GABRG2: variants seen among roughly 807,000 people sequenced by gnomAD.
GABRG2 encodes gamma-aminobutyric acid receptor subunit gamma-2.
In GABRG2, 16 loss-of-function variants were observed where a neutral mutation model predicts 56.4. The observed-to-expected ratio is 0.28, with a 90% CI of 0.19 to 0.43. The LOEUF (loss-of-function observed/expected upper bound fraction) is 0.43. Among genes scored for constraint, GABRG2 ranks in the 20% least tolerant of loss-of-function variants. The pLI is 1.00. For synonymous variants in GABRG2, 208 were observed against 205.5 expected (o/e 1.01, Z -0.10); for missense variants, 327 against 582.7 (o/e 0.56, Z 4.52).
chr5:162,096,598 TGAACAAG>T lies in GABRG2; in HGVS notation c.327+1038_328-1032del, dbSNP rs200625770. Among the ~76,000 whole-genome samples, 1,268 of 152,184 alleles carry T rather than the reference TGAACAAG, an allele frequency of 8.3e-3. 15 individuals carry two copies. Among genetic ancestry groups the T allele is most frequent in the African/African-American group, 0.029 (1,221 of 41,522 alleles). ...AGACTGTAAAAATGAAACTAAATGA[TGAACAAG>T]GGTGGAATGACTTACAGGGTAGAAA... On this transcript the variant is annotated intron_variant, in intron 3 of 9. Transcript: ENST00000639213.
At chr5:162,142,684 G>A (rs1052440333) in intron 7 of GABRG2, 7 of 342,346 alleles carry the variant, frequency 2.0e-5, no homozygotes, top group Middle Eastern at 1.1e-3. Flanking sequence ...TCACTCATAG[G>A]TGGGAATTGA....
chr5:162,099,268 T>C (rs1761232202), intron 4 of GABRG2: 1 of 152,008 alleles, frequency 6.6e-6, no homozygotes, highest in South Asian at 2.1e-4. Context: ...TTATTTTTAT[T>C]TATTTATTTA....
In GABRG2 at chr5:162,153,200, G is replaced by A. The variant is rs1322969925; in HGVS notation, c.1260G>A (p.Lys420=). 6.2e-7 allele frequency: 1 copy of A among 1,614,060 alleles called. No individual in the cohort carries two copies. The highest frequency in any genetic ancestry group is 1.1e-5 in the South Asian group (1 of 91,084). The change falls in exon 10 of 10, where the codon AAG becomes AAA. Residue 420 remains lysine (K), a synonymous_variant. Transcript: ENST00000639213. ...ACGGCTATGAGTGTCTGGACGGCAA[G>A]GACTGTGCCAGTTTTTTCTGCTGTT... The part of the protein sequence containing the change: ...EEYGYECLDG[K]DCASFFCCFE...
At chr5:162,080,033 G>C (rs1448808118) in intron 1 of GABRG2, among the ~76,000 whole-genome samples, 1 of 152,160 alleles carries the variant, frequency 6.6e-6, no homozygotes, top group East Asian at 1.9e-4. Flanking sequence ...TTTGGCCCTT[G>C]TTGAGCTCTG....
chr5:162,112,334 A>C (rs1311467191), intron 6 of GABRG2, among the ~76,000 whole-genome samples: 1 of 152,084 alleles, frequency 6.6e-6, no homozygotes, highest in Admixed American at 6.6e-5. Flanking sequence ...TTTAAGAGAC[A>C]TTTACATCAG....
chr5:162,142,397 T>A (rs1390486373), intron 7 of GABRG2, 81 bp downstream of exon 7: 5 of 1,431,658 alleles, frequency 3.5e-6, no homozygotes, highest in Non-Finnish European at 3.9e-6. Flanking sequence ...TCTATGTTGA[T>A]CTGCTTTAAA....
At chr5:162,072,417 G>A (rs948002330) in intron 1 of GABRG2, among the ~76,000 whole-genome samples, 3 of 152,016 alleles carry the variant, frequency 2.0e-5, no homozygotes, top group African/African-American at 7.2e-5. Context: ...GAATTATAAT[G>A]AAAAGTTATA....
At chr5:162,085,561 T>C (rs1361992261) in intron 1 of GABRG2, among the ~76,000 whole-genome samples, 2 of 151,572 alleles carry the variant, frequency 1.3e-5, no homozygotes, top group Non-Finnish European at 2.9e-5. Flanking sequence ...TTTTCTTCTT[T>C]TTTTTTTTAC....
At chr5:162,135,088 G>C (rs1764025623) in intron 6 of GABRG2, among the ~76,000 whole-genome samples, 2 of 152,148 alleles carry the variant, frequency 1.3e-5, no homozygotes. Context: ...ACACTGTGGT[G>C]CTTGTGTTTT....
At chr5:162,137,348 G>A (rs1310654691) in intron 6 of GABRG2, among the ~76,000 whole-genome samples, 2 of 152,056 alleles carry the variant, frequency 1.3e-5, no homozygotes, top group Admixed American at 1.3e-4. Context: ...TCACATCATT[G>A]TGTATCCCCA....
intron 6 of GABRG2, among the ~76,000 whole-genome samples, chr5:162,111,544 A>T (rs1409255930): frequency 1.3e-5 from 2 of 152,134 alleles, no homozygotes; most frequent in East Asian, 3.9e-4. Context: ...TCCCATAGAG[A>T]TGAACTGAGG....
intron 6 of GABRG2, among the ~76,000 whole-genome samples, chr5:162,112,631 G>A (rs1436228926): frequency 6.6e-6 from 1 of 152,002 alleles, no homozygotes; most frequent in Non-Finnish European, 1.5e-5. Context: ...ATAGCAATAA[G>A]GAAAATGTAT....
intron 6 of GABRG2, among the ~76,000 whole-genome samples, chr5:162,136,942 T>G (rs1764178633): frequency 6.6e-6 from 1 of 152,190 alleles, no homozygotes; most frequent in South Asian, 2.1e-4. Flanking sequence ...CTTAGCTATA[T>G]ATTTTTTCCC....
chr5:162,141,238 C>T (rs1214126332), intron 6 of GABRG2, among the ~76,000 whole-genome samples: 1 of 152,100 alleles, frequency 6.6e-6, no homozygotes, highest in Admixed American at 6.5e-5. Flanking sequence ...GGGGTTTCAC[C>T]GTGTTAGCCA....
In GABRG2 at chr5:162,141,026, C is replaced by A. The variant is rs1389616002; in HGVS notation, c.770-1138C>A. ...TGGATTATTTACATACATTTTGCTT[C>A]TTTTTTTTGTTTGTTTCTTTTCTTT... On this transcript the variant is annotated intron_variant, in intron 6 of 9. Coordinates refer to ENST00000639213, the MANE Select transcript of GABRG2 (RefSeq NM_198904.4). 2.6e-5 allele frequency among the ~76,000 whole-genome samples: 4 copies of A among 151,730 alleles called. No homozygotes were observed. The East Asian group carries it at 5.8e-4, about 22-fold the overall frequency.
At chr5:162,112,517 GTGAA>G (rs1323856221) in intron 6 of GABRG2, among the ~76,000 whole-genome samples, 1 of 152,112 alleles carries the variant, frequency 6.6e-6, no homozygotes. Context: ...TTTGATGTAA[GTGAA>G]TGATTCCTTC....
intron 6 of GABRG2, among the ~76,000 whole-genome samples, chr5:162,115,603 A>G (rs17060096): frequency 0.11 from 16,661 of 152,008 alleles, 961 homozygotes; most frequent in Middle Eastern, 0.14. Flanking sequence ...ATTACTGTGA[A>G]TGAGAAATTG....
At chr5:162,127,877 G>T (rs1043320425) in intron 6 of GABRG2, among the ~76,000 whole-genome samples, 1 of 151,910 alleles carries the variant, frequency 6.6e-6, no homozygotes, top group Non-Finnish European at 1.5e-5. Context: ...CCAGAGTCAG[G>T]GTGTGAATCC....
intron 6 of GABRG2, among the ~76,000 whole-genome samples, chr5:162,123,479 A>G (rs1379588558): frequency 6.6e-6 from 1 of 151,914 alleles, no homozygotes; most frequent in South Asian, 2.1e-4. Flanking sequence ...CCAATAAAAA[A>G]TAATTATGCA....
Sources: allele counts gnomAD v4.1 joint callset (sites outside exome capture counted in the v4.1 genomes callset), GRCh38; gene constraint gnomAD v4.1.1; transcripts MANE v1.5; gene names NCBI Gene and HGNC (gene_info 2026-07-23, HGNC 2026-07-21).